Variants in CWH43 observed in about 807,000 individuals in gnomAD.
The protein encoded by CWH43 is PGAP2-interacting protein.
A neutral mutation model predicts 85.7 loss-of-function variants in CWH43; 91 were observed. That is an observed-to-expected ratio of 1.06 (90% confidence interval 0.90 to 1.26). CWH43 has a LOEUF of 1.26. Ranked by LOEUF, CWH43 falls within the 50% of genes most tolerant of loss-of-function variation. CWH43 has a pLI of 0.00. For missense variants in CWH43, 869 were observed against 839.2 expected, an observed-to-expected ratio of 1.04 and a Z score of -0.44; for synonymous variants, 323 against 293.6, an observed-to-expected ratio of 1.10 and a Z score of -1.02.
At chr4:48,990,325 T>C (rs561990274) in intron 2 of CWH43, among the ~76,000 whole-genome samples, 39 of 152,292 alleles carry the variant, frequency 2.6e-4, no homozygotes, top group African/African-American at 9.1e-4. Flanking sequence ...AAGTGGCCAA[T>C]CTCTGCTAAG....
intron 12 of CWH43, among the ~76,000 whole-genome samples, chr4:49,036,614 A>T (rs140133766): frequency 1.9e-4 from 29 of 152,282 alleles, no homozygotes; most frequent in African/African-American, 6.7e-4. Context: ...CTTTCTATGT[A>T]AATACCTGTG....
At chr4:49,003,666 A>G (rs1279713857) in intron 6 of CWH43, 69 bp from the exon 7 acceptor site, 6 of 1,522,392 alleles carry the variant, frequency 3.9e-6, no homozygotes, top group Non-Finnish European at 5.4e-6. Flanking sequence ...CTGGTCCTAA[A>G]GGCTATAAAT....
At chr4:49,051,330 C>A (rs1454624831) in intron 15 of CWH43, among the ~76,000 whole-genome samples, 2 of 152,134 alleles carry the variant, frequency 1.3e-5, no homozygotes, top group Non-Finnish European at 1.5e-5. Context: ...GGGGAGACAG[C>A]CTATTAGCAT....
At chr4:48,994,967 T>C in intron 5 of CWH43, 147 bp downstream of exon 5, 1 of 759,230 alleles carries the variant, frequency 1.3e-6, no homozygotes, top group Non-Finnish European at 2.3e-6. Flanking sequence ...AATTATTGTG[T>C]GCTCTGGAGA....
In CWH43 at chr4:48,994,641, A is replaced by G. The variant is rs369801723; in HGVS notation, c.534A>G (p.Glu178=). ...TAGATGGTGACTGCAGTAAACCTGA[A>G]GAAAAGAAGACTGGTGAGGTAGCCA... The part of the protein sequence containing the change: ...IGTDGDCSKP[E]EKKTGEVATG... The change falls in exon 5 of 16, where the codon GAA becomes GAG. Residue 178 remains glutamate (E), a synonymous_variant. Transcript: ENST00000226432. The G allele has an allele frequency of 2.5e-6, 4 of 1,613,180 alleles. No individual in the cohort carries two copies. The highest frequency in any genetic ancestry group is 3.4e-6 in the Non-Finnish European group (4 of 1,179,826).
At chr4:49,021,363 A>C (rs193127371) in intron 9 of CWH43, among the ~76,000 whole-genome samples, 156 of 152,254 alleles carry the variant, frequency 1.0e-3, no homozygotes, top group Non-Finnish European at 1.1e-3. Flanking sequence ...AGTTGACTGT[A>C]ATCATTTGGC....
At chr4:49,036,906 A>T (rs1280244696) in intron 12 of CWH43, among the ~76,000 whole-genome samples, 5 of 152,024 alleles carry the variant, frequency 3.3e-5, no homozygotes, top group African/African-American at 1.2e-4. Context: ...CTCCATTGCT[A>T]CATCTCCCAC....
chr4:49,017,484 G>C (rs1783590499), intron 9 of CWH43, among the ~76,000 whole-genome samples, 156 bp downstream of exon 9: 1 of 152,106 alleles, frequency 6.6e-6, no homozygotes, highest in Non-Finnish European at 1.5e-5. Context: ...TAAGATAGTG[G>C]GATTATTTTA....
At chr4:49,026,331 C>T (rs1378301142) in intron 9 of CWH43, among the ~76,000 whole-genome samples, 3 of 152,164 alleles carry the variant, frequency 2.0e-5, no homozygotes, top group African/African-American at 7.2e-5. Context: ...TCCCATGGAC[C>T]CTGCAGCAAC....
chr4:48,992,025 A>T lies in CWH43; in HGVS notation c.446A>T (p.Tyr149Phe). The change falls in exon 4 of 16, where the codon TAT becomes TTT. Residue 149 changes from tyrosine (Y) to phenylalanine (F), a missense_variant. This residue lies in a region of CWH43 where 152 missense variants were observed against 203.6 expected (regional missense o/e 0.75). Coordinates refer to ENST00000226432, the MANE Select transcript of CWH43 (RefSeq NM_025087.3). The surrounding 1 kb of genome is among the most constrained non-coding windows in gnomAD (Gnocchi z 4.3). ...WYTSLNPIWS[Y>F]QMSNKVILTL... ...ACTTCACTAAACCCAATCTGGAGTTATCAGATGTCCAACAAAGTGATACTG... is the reference window on the plus strand; with the variant it reads ...ACTTCACTAAACCCAATCTGGAGTTTTCAGATGTCCAACAAAGTGATACTG... 1 of 1,613,848 alleles carries T rather than the reference A, an allele frequency of 6.2e-7. No individual in the cohort carries two copies. Among genetic ancestry groups the T allele is most frequent in the Non-Finnish European group, 8.5e-7 (1 of 1,179,724 alleles).
intron 14 of CWH43, among the ~76,000 whole-genome samples, chr4:49,048,216 T>A (rs1217536149): frequency 6.6e-6 from 1 of 151,998 alleles, no homozygotes; most frequent in Non-Finnish European, 1.5e-5. Flanking sequence ...GTACCCATAA[T>A]AGCTCATTGT....
chr4:49,051,476 T>G (rs1577712786), intron 15 of CWH43, among the ~76,000 whole-genome samples: 1 of 152,316 alleles, frequency 6.6e-6, no homozygotes, highest in Non-Finnish European at 1.5e-5. Flanking sequence ...GCTGTGGAAT[T>G]TAAAAAATTA....
At chr4:49,007,624 C>G (rs1053079910) in intron 8 of CWH43, among the ~76,000 whole-genome samples, 1 of 152,028 alleles carries the variant, frequency 6.6e-6, no homozygotes. Flanking sequence ...ATCCCTCCCC[C>G]CTCACCCCAC....
In CWH43 at chr4:49,032,563, C is replaced by A; in HGVS notation, c.1509-3C>A. ...GCCCATGTCTCTTTTCATTCCAATA[C>A]AGGATTATGGCTTTGTCAAGATACC... is the stretch of plus-strand genomic sequence containing the variant. On this transcript the variant is annotated splice_region_variant and splice_polypyrimidine_tract_variant and intron_variant, in intron 11 of 15. Transcript: ENST00000226432. 1 of 1,613,830 alleles carries A rather than the reference C, an allele frequency of 6.2e-7. No homozygotes were observed. Among genetic ancestry groups the A allele is most frequent in the Non-Finnish European group, 8.5e-7 (1 of 1,179,822 alleles).
intron 12 of CWH43, among the ~76,000 whole-genome samples, chr4:49,033,214 T>A (rs1228616329): frequency 1.3e-5 from 2 of 152,208 alleles, no homozygotes; most frequent in Non-Finnish European, 1.5e-5. Flanking sequence ...ATGGAAGTAC[T>A]GTTGGGATTT....
chr4:49,053,514 C>T (rs368969195), intron 15 of CWH43, among the ~76,000 whole-genome samples: 12 of 152,116 alleles, frequency 7.9e-5, no homozygotes, highest in Admixed American at 2.0e-4. Flanking sequence ...TGTCTCATTG[C>T]GCTTTTAATT....
intron 7 of CWH43, among the ~76,000 whole-genome samples, chr4:49,006,233 CTTTAGAAT>C (rs1783153089): frequency 6.6e-6 from 1 of 151,824 alleles, no homozygotes; most frequent in South Asian, 2.1e-4. Context: ...GAGTTTGTTT[CTTTAGAAT>C]TTTATGAACG....
At chr4:49,034,503 C>G (rs1403413926) in intron 12 of CWH43, among the ~76,000 whole-genome samples, 1 of 152,178 alleles carries the variant, frequency 6.6e-6, no homozygotes, top group Admixed American at 6.5e-5. Context: ...CCTTTTCTCA[C>G]TTTCTGTTAA....
intron 14 of CWH43, 126 bp from the exon 15 acceptor site, chr4:49,050,568 G>A: frequency 5.0e-6 from 3 of 600,884 alleles, no homozygotes. Context: ...GTTAATTCCA[G>A]TTGTGATATA....
Sources: allele counts gnomAD v4.1 joint callset (sites outside exome capture counted in the v4.1 genomes callset), GRCh38; gene constraint gnomAD v4.1.1; regional missense constraint gnomAD v4.1.1; non-coding constraint Gnocchi (gnomAD v3.1); transcripts MANE v1.5; gene names NCBI Gene and HGNC (gene_info 2026-07-23, HGNC 2026-07-21).